The following CELF2 variants were observed in gnomAD, a reference collection of about 807,000 sequenced individuals.
The protein encoded by CELF2 is CUGBP Elav-like family member 2, also known as CUG triplet repeat RNA-binding protein 2.
CELF2 carries 8 observed loss-of-function variants against 62.6 expected under a neutral mutation model. The observed-to-expected ratio is 0.13, with a 90% CI of 0.07 to 0.23. The LOEUF is 0.23. Among genes scored for constraint, CELF2 ranks in the 10% least tolerant of loss-of-function variants. The pLI is 1.00. For missense variants in CELF2, 333 were observed against 671.0 expected (o/e 0.50, Z 5.56); for synonymous variants, 258 against 250.0 (o/e 1.03, Z -0.30).
the CELF2 span, among the ~76,000 whole-genome samples, chr10:10,626,277 A>G: frequency 6.6e-6 from 1 of 152,146 alleles, no homozygotes; most frequent in African/African-American, 2.4e-5. Flanking sequence ...CAGGGTCCTC[A>G]TTCCTTCGAA....
intron 1 of CELF2, among the ~76,000 whole-genome samples, chr10:10,894,966 A>G (rs2062433643): frequency 6.6e-6 from 1 of 151,874 alleles, no homozygotes; most frequent in African/African-American, 2.4e-5. Context: ...TTATAATAAT[A>G]TGAGTCCGTA....
In CELF2 at chr10:11,227,940, A is replaced by G. The variant is rs1197538287; in HGVS notation, c.354+10433A>G. ...GTGTACTCACCAGCACATACACGGT[A>G]TTATTGTTTCCTCAGAAGAGTGTGT... On this transcript the variant is annotated intron_variant, in intron 3 of 12. Transcript: ENST00000633077. The surrounding 1 kb of genome is among the most constrained non-coding windows in gnomAD (Gnocchi z 4.8). Among the ~76,000 whole-genome samples the G allele has an allele frequency of 6.6e-6, 1 of 152,176 alleles. No homozygotes were observed. Among genetic ancestry groups the G allele is most frequent in the Non-Finnish European group, 1.5e-5 (1 of 68,030 alleles).
intron 3 of CELF2, among the ~76,000 whole-genome samples, chr10:11,239,760 G>A (rs2073083444): frequency 6.6e-6 from 1 of 152,018 alleles, no homozygotes; most frequent in Admixed American, 6.6e-5. Context: ...TCAGCAAATG[G>A]TGATTGAAAG....
In CELF2 at chr10:11,290,283, C is replaced by A. The variant is rs986281742; in HGVS notation, c.976+1731C>A. Among the ~76,000 whole-genome samples the A allele has an allele frequency of 7.9e-5, 12 of 152,118 alleles. No individual in the cohort carries two copies. Among genetic ancestry groups the A allele is most frequent in the African/African-American group, 2.9e-4 (12 of 41,408 alleles). Reference sequence around the variant, plus strand: ...GGGAAAGGGGACTGGAGGAGGTGACCCCTCTCTCAAAAGGTGACCTTTGAG... The same window carrying A: ...GGGAAAGGGGACTGGAGGAGGTGACACCTCTCTCAAAAGGTGACCTTTGAG... On this transcript the variant is annotated intron_variant, in intron 9 of 12. Coordinates refer to ENST00000633077, the MANE Select transcript of CELF2 (RefSeq NM_001326342.2). The surrounding 1 kb of genome is among the most constrained non-coding windows in gnomAD (Gnocchi z 4.3).
At chr10:11,197,019 A>AG (rs1565230134) in intron 2 of CELF2, among the ~76,000 whole-genome samples, 401 of 10,732 alleles carry the variant, frequency 0.037, 45 homozygotes, top group African/African-American at 0.12. Context: ...AAAGAAAGAA[A>AG]GAAAGAAAAG....
At chr10:10,475,476 CA>C in the CELF2 span, among the ~76,000 whole-genome samples, 130,768 of 143,666 alleles carry the variant, frequency 0.91, 59,339 homozygotes, top group Admixed American at 0.94. Flanking sequence ...CTTGGCCACT[CA>C]AAAAAAAAAA....
chr10:10,692,090 A>G, the CELF2 span, among the ~76,000 whole-genome samples: 1 of 150,326 alleles, frequency 6.7e-6, no homozygotes, highest in South Asian at 2.1e-4. Context: ...GCCCATGCTT[A>G]TGTCCTGAAT....
At chr10:11,179,897 G>A (rs1470734144) in intron 2 of CELF2, among the ~76,000 whole-genome samples, 4 of 152,118 alleles carry the variant, frequency 2.6e-5, no homozygotes, top group Non-Finnish European at 4.4e-5. Flanking sequence ...AAGCTTACGT[G>A]GTGTCAGGTA....
At chr10:10,547,823 C>A in the CELF2 span, among the ~76,000 whole-genome samples, 122 of 151,812 alleles carry the variant, frequency 8.0e-4, no homozygotes, top group Middle Eastern at 6.9e-3. Context: ...TCTCTAGCTT[C>A]CATTGCTGAG....
At chr10:11,313,866 C>A (rs2094730139) in intron 9 of CELF2, among the ~76,000 whole-genome samples, 1 of 151,970 alleles carries the variant, frequency 6.6e-6, no homozygotes, top group South Asian at 2.1e-4. Context: ...TTCATTATGT[C>A]TAAACCTGGC....
the CELF2 span, among the ~76,000 whole-genome samples, chr10:10,528,508 C>G: frequency 3.0e-4 from 45 of 152,316 alleles, no homozygotes; most frequent in East Asian, 5.4e-3. Context: ...TGTTAATCTA[C>G]TCCCCCTAAA....
chr10:11,228,881 CT>C (rs1427205553), intron 3 of CELF2, among the ~76,000 whole-genome samples: 1 of 152,168 alleles, frequency 6.6e-6, no homozygotes, highest in Non-Finnish European at 1.5e-5. Context: ...AAGGAAAATA[CT>C]TAAGAGAGAA....
the CELF2 span, among the ~76,000 whole-genome samples, chr10:10,584,542 C>A: frequency 6.6e-6 from 1 of 152,200 alleles, no homozygotes; most frequent in African/African-American, 2.4e-5. Flanking sequence ...TACAGTTCAA[C>A]CACAAGGACT....
the CELF2 span, among the ~76,000 whole-genome samples, chr10:10,475,665 C>T: frequency 2.0e-5 from 3 of 151,946 alleles, no homozygotes; most frequent in Non-Finnish European, 2.9e-5. Flanking sequence ...CCCAATTGTG[C>T]TCAATATACG....
At chr10:10,503,213 G>C in the CELF2 span, among the ~76,000 whole-genome samples, 1 of 151,844 alleles carries the variant, frequency 6.6e-6, no homozygotes, top group African/African-American at 2.4e-5. Flanking sequence ...TTGCTGAGTG[G>C]GATATTCTAT....
At chr10:10,932,997 T>TA (rs1489443422) in intron 2 of CELF2, among the ~76,000 whole-genome samples, 1 of 152,066 alleles carries the variant, frequency 6.6e-6, no homozygotes, top group African/African-American at 2.4e-5. Flanking sequence ...GTTTACTTTT[T>TA]AAAAAATTGA....
chr10:10,703,234 C>T, the CELF2 span, among the ~76,000 whole-genome samples: 1 of 152,130 alleles, frequency 6.6e-6, no homozygotes, highest in East Asian at 1.9e-4. Flanking sequence ...AGTTACAACT[C>T]TATAGAGTTG....
rs1211830023 is a variant in CELF2 at position 11,246,083 on chromosome 10, C to T, written c.355-3070C>T. Among the ~76,000 whole-genome samples, 1 of 152,102 alleles carries T rather than the reference C, an allele frequency of 6.6e-6. No homozygotes were observed. Among genetic ancestry groups the T allele is most frequent in the African/African-American group, 2.4e-5 (1 of 41,402 alleles). ...GTATAGGGGCTCTGTTTTTGCTGCT[C>T]CCGAATTTCCACCTGCCATCATCCA... On this transcript the variant is annotated intron_variant, in intron 3 of 12. Transcript: ENST00000633077. This position sits in a 1 kb window ranked among gnomAD's most constrained non-coding sequence, Gnocchi z 4.6.
chr10:10,709,682 A>C, the CELF2 span, among the ~76,000 whole-genome samples: 1 of 152,318 alleles, frequency 6.6e-6, no homozygotes, highest in South Asian at 2.1e-4. Flanking sequence ...ATTTCTGATC[A>C]CTGTTTAACA....
Sources: gnomAD v4.1 joint callset for allele counts (sites outside exome capture counted in the v4.1 genomes callset) on GRCh38, gnomAD v4.1.1 for gene constraint, Gnocchi (gnomAD v3.1) non-coding constraint, MANE v1.5 for transcripts, NCBI Gene and HGNC (gene_info 2026-07-23, HGNC 2026-07-21) for gene names.